The following CAMK2A variants were observed in gnomAD, a reference collection of about 807,000 sequenced individuals.
The protein encoded by CAMK2A is calcium/calmodulin-dependent protein kinase type II subunit alpha.
A neutral mutation model predicts 79.2 loss-of-function variants in CAMK2A; 7 were observed. The observed-to-expected ratio is 0.09, with a 90% CI of 0.05 to 0.17. The LOEUF is 0.17. Ranked by LOEUF, CAMK2A falls within the 10% of genes least tolerant of loss-of-function variation. CAMK2A has a pLI of 1.00. For synonymous variants in CAMK2A, 242 were observed against 251.7 expected, an observed-to-expected ratio of 0.96 and a Z score of 0.36; for missense variants, 214 against 646.4, an observed-to-expected ratio of 0.33 and a Z score of 7.25.
rs529181078 is a variant in CAMK2A, at chr5:150,236,079, A to T, written c.1066+2621T>A. Among the ~76,000 whole-genome samples, 3 of 152,236 alleles carry T rather than the reference A, an allele frequency of 2.0e-5. No homozygotes were observed. The South Asian group carries it at 6.2e-4, about 32-fold the overall frequency. ...CAAATTTCCCTCTGGAAAGGGGGAA[A>T]ATCTGGAAAGTGAGCCAAAATTCAA... On this transcript the variant is annotated intron_variant, in intron 15 of 18. Transcript: ENST00000671881.
chr5:150,241,487 T>C (rs71586163), intron 13 of CAMK2A, among the ~76,000 whole-genome samples: 1 of 125,294 alleles, frequency 8.0e-6, no homozygotes, highest in Non-Finnish European at 1.6e-5. Flanking sequence ...CTCCTTCTTC[T>C]CTTCCTTCCT....
At chr5:150,277,670 T>G (rs1489083800) in intron 1 of CAMK2A, among the ~76,000 whole-genome samples, 2 of 152,208 alleles carry the variant, frequency 1.3e-5, no homozygotes, top group Non-Finnish European at 2.9e-5. Flanking sequence ...AGCAAGTGCA[T>G]TTTTTGGAGG....
At chr5:150,241,954 G>A (rs1755364063) in intron 13 of CAMK2A, among the ~76,000 whole-genome samples, 1 of 152,190 alleles carries the variant, frequency 6.6e-6, no homozygotes, top group Non-Finnish European at 1.5e-5. Flanking sequence ...AGCCGCGCAG[G>A]GGCCAGGAGG....
At chr5:150,263,390 TCACA>T (rs201566591) in intron 3 of CAMK2A, among the ~76,000 whole-genome samples, 4 of 149,450 alleles carry the variant, frequency 2.7e-5, no homozygotes, top group African/African-American at 9.8e-5. Context: ...ACACAGACAT[TCACA>T]CACACACACT....
chr5:150,263,448 T>A (rs981648167), intron 3 of CAMK2A, among the ~76,000 whole-genome samples: 1 of 147,222 alleles, frequency 6.8e-6, no homozygotes, highest in Non-Finnish European at 1.5e-5. Flanking sequence ...ATTCACACAC[T>A]CACACACGTG....
intron 1 of CAMK2A, among the ~76,000 whole-genome samples, chr5:150,279,828 A>G (rs1339753931): frequency 6.6e-6 from 1 of 152,218 alleles, no homozygotes; most frequent in Non-Finnish European, 1.5e-5. Flanking sequence ...GAACGTGCTA[A>G]TGGGCTGTGA....
At chr5:150,289,520 C>T (rs373450784) in intron 1 of CAMK2A, 44 bp downstream of exon 1, 119 of 1,521,554 alleles carry the variant, frequency 7.8e-5, no homozygotes, top group Non-Finnish European at 1.0e-4. Flanking sequence ...ACCCTGACCT[C>T]CCCGCCCCCC....
At chr5:150,252,168 G>T in intron 7 of CAMK2A, 103 bp from the exon 8 acceptor site, 1 of 912,534 alleles carries the variant, frequency 1.1e-6, no homozygotes, top group Non-Finnish European at 1.7e-6. Flanking sequence ...TTGCTCTGGA[G>T]CTGAGGAAAA....
In CAMK2A at chr5:150,245,205, T is replaced by C; in HGVS notation, c.944-4A>G. On this transcript the variant is annotated splice_region_variant and splice_polypyrimidine_tract_variant and intron_variant, in intron 12 of 18. Coordinates refer to ENST00000671881, the MANE Select transcript of CAMK2A (RefSeq NM_015981.4). Reference sequence around the variant, plus strand: ...TTGTTTCCCCCACTCTTCCCTCCTGTGGAGGAGAAAAAGTAGAGGGTTAAC... The same window carrying C: ...TTGTTTCCCCCACTCTTCCCTCCTGCGGAGGAGAAAAAGTAGAGGGTTAAC... The C allele has an allele frequency of 6.2e-7, 1 of 1,613,458 alleles. No individual in the cohort carries two copies. Among genetic ancestry groups the C allele is most frequent in the Non-Finnish European group, 8.5e-7 (1 of 1,179,712 alleles).
chr5:150,267,952 C>A (rs1025643353), intron 2 of CAMK2A, among the ~76,000 whole-genome samples: 2 of 150,914 alleles, frequency 1.3e-5, no homozygotes, highest in African/African-American at 4.9e-5. Context: ...TGGCTCACTG[C>A]AACCTCTGCC....
intron 15 of CAMK2A, among the ~76,000 whole-genome samples, chr5:150,233,489 G>A (rs1754932771): frequency 6.6e-6 from 1 of 152,186 alleles, no homozygotes; most frequent in African/African-American, 2.4e-5. Flanking sequence ...TTTAGACCAT[G>A]AGTGCCACCG....
intron 17 of CAMK2A, among the ~76,000 whole-genome samples, chr5:150,225,222 AG>A (rs1431421961): frequency 3.9e-5 from 6 of 152,134 alleles, no homozygotes; most frequent in African/African-American, 1.4e-4. Context: ...GCCTTGCTGC[AG>A]TCAGCAAGGG....
At chr5:150,229,927 T>C (rs1330008625) in intron 16 of CAMK2A, among the ~76,000 whole-genome samples, 1 of 152,196 alleles carries the variant, frequency 6.6e-6, no homozygotes, top group Non-Finnish European at 1.5e-5. Context: ...GTTCCACACA[T>C]GCATCTTCTA....
intron 1 of CAMK2A, 140 bp downstream of exon 1, chr5:150,289,424 A>AG: frequency 1.5e-6 from 1 of 680,628 alleles, no homozygotes. Context: ...GTACACAGGC[A>AG]GGTGCCCCCA....
At chr5:150,281,427 C>G (rs1455159017) in intron 1 of CAMK2A, among the ~76,000 whole-genome samples, 1 of 152,212 alleles carries the variant, frequency 6.6e-6, no homozygotes, top group African/African-American at 2.4e-5. Context: ...CTGGGGTTGG[C>G]CACAGAGGCA....
chr5:150,242,606 C>T (rs1755397368), intron 13 of CAMK2A, among the ~76,000 whole-genome samples: 1 of 152,194 alleles, frequency 6.6e-6, no homozygotes, highest in Non-Finnish European at 1.5e-5. Context: ...TGGTGTGACC[C>T]TCTCACCAGG....
At chr5:150,274,680 T>C (rs1756879871) in intron 1 of CAMK2A, among the ~76,000 whole-genome samples, 1 of 152,230 alleles carries the variant, frequency 6.6e-6, no homozygotes, top group Non-Finnish European at 1.5e-5. Context: ...ATGCAGGTTA[T>C]GATTCCTCAA....
intron 1 of CAMK2A, among the ~76,000 whole-genome samples, chr5:150,288,689 C>T (rs554811269): frequency 6.6e-6 from 1 of 152,310 alleles, no homozygotes; most frequent in South Asian, 2.1e-4. Flanking sequence ...CTCCAAAATG[C>T]ACCCAACCCT....
At position 150,256,870 on chromosome 5, in the gene CAMK2A, G is replaced by T. The variant is rs751404237; in HGVS notation, c.273-39C>A. 2.0e-6 allele frequency: 3 copies of T among 1,537,126 alleles called. No homozygotes were observed. The South Asian group carries it at 3.4e-5, about 18-fold the overall frequency. The stretch of plus-strand genomic sequence containing the variant: ...CATGGAATCACCCTCTAATAGAGGC[G>T]ACAGGTGCTGCCTCATCTGGAGGAG... On this transcript the variant is annotated intron_variant, in intron 4 of 18. Coordinates refer to ENST00000671881, the MANE Select transcript of CAMK2A (RefSeq NM_015981.4). This position sits in a 1 kb window ranked among gnomAD's most constrained non-coding sequence, Gnocchi z 4.6.
Sources: gnomAD v4.1 joint callset for allele counts (sites outside exome capture counted in the v4.1 genomes callset) on GRCh38, gnomAD v4.1.1 for gene constraint, Gnocchi (gnomAD v3.1) non-coding constraint, MANE v1.5 for transcripts, NCBI Gene and HGNC (gene_info 2026-07-23, HGNC 2026-07-21) for gene names.